The following MSRB3 variants were observed in gnomAD, a reference collection of about 807,000 sequenced individuals.
The protein encoded by MSRB3 is methionine sulfoxide reductase B3.
A neutral mutation model predicts 21.0 loss-of-function variants in MSRB3; 13 were observed. That is an observed-to-expected ratio of 0.62 (90% CI 0.40 to 0.98). MSRB3 has a LOEUF of 0.98. Among genes scored for constraint, MSRB3 ranks in the 50% least tolerant of loss-of-function variants. MSRB3 has a pLI of 0.00. For synonymous variants in MSRB3, 87 were observed against 88.6 expected, an observed-to-expected ratio of 0.98 and a Z score of 0.10; for missense variants, 199 against 230.3, an observed-to-expected ratio of 0.86 and a Z score of 0.88.
chr12:65,294,712 AT>A (rs1043492767), intron 1 of MSRB3, among the ~76,000 whole-genome samples: 9 of 152,136 alleles, frequency 5.9e-5, no homozygotes, highest in Non-Finnish European at 1.0e-4. Context: ...AGTCATTTAT[AT>A]TTTATGTTAT....
chr12:65,454,045 G>A, intron 6 of MSRB3: 1 of 650,312 alleles, frequency 1.5e-6, no homozygotes, highest in Non-Finnish European at 2.8e-6. Context: ...TACTTTGAGA[G>A]GGCCAAGTGG....
intron 5 of MSRB3, among the ~76,000 whole-genome samples, chr12:65,371,922 C>T (rs947740853): frequency 6.6e-6 from 1 of 152,048 alleles, no homozygotes; most frequent in African/African-American, 2.4e-5. Flanking sequence ...CAAAAAATTT[C>T]AACCATGTAT....
chr12:65,380,493 T>C (rs1048567034), intron 5 of MSRB3, among the ~76,000 whole-genome samples: 4 of 152,084 alleles, frequency 2.6e-5, no homozygotes, highest in Admixed American at 6.5e-5. Context: ...GAGAATTGCT[T>C]GAACCCGGGA....
intron 5 of MSRB3, among the ~76,000 whole-genome samples, chr12:65,424,210 T>G (rs1881463780): frequency 6.6e-6 from 1 of 152,064 alleles, no homozygotes; most frequent in Non-Finnish European, 1.5e-5. Context: ...TGTTGTCTTT[T>G]TTTTTTCCCT....
chr12:65,306,801 G>C (rs1463938848), intron 1 of MSRB3: 1 of 953,026 alleles, frequency 1.0e-6, no homozygotes, highest in South Asian at 4.9e-5. Context: ...GAGGGCTCCC[G>C]GTATTTGTGG....
At chr12:65,319,218 T>C (rs1011903187) in intron 2 of MSRB3, among the ~76,000 whole-genome samples, 9 of 152,160 alleles carry the variant, frequency 5.9e-5, no homozygotes, top group Non-Finnish European at 1.2e-4. Flanking sequence ...CCTTTTCAAA[T>C]CTGAACCTAC....
At position 65,464,933 on chromosome 12, in the gene MSRB3, G is replaced by C. The variant is rs1051629029; in HGVS notation, c.*1611G>C. ...GCCTATTTCTTCATGCATAAACTGG[G>C]ACTCATAATATTTGTAAAATGTATT... On this transcript the variant is annotated 3_prime_UTR_variant, in exon 7 of 7. Transcript: ENST00000308259. 6.6e-6 allele frequency: 1 copy of C among 152,180 alleles called. No homozygotes were observed. The highest frequency in any genetic ancestry group is 1.5e-5 in the Non-Finnish European group (1 of 68,036). The allele number at this position is 152,180 out of a possible 1,614,324, so 9.4% of individuals were successfully genotyped here.
At chr12:65,345,462 C>T (rs1876426236) in intron 4 of MSRB3, among the ~76,000 whole-genome samples, 1 of 152,090 alleles carries the variant, frequency 6.6e-6, no homozygotes, top group East Asian at 1.9e-4. Context: ...AGGAGTAATA[C>T]ATATGTAGCA....
chr12:65,454,018 T>C (rs1882979263), intron 6 of MSRB3, 193 bp downstream of exon 6: 3 of 682,346 alleles, frequency 4.4e-6, no homozygotes, highest in Non-Finnish European at 8.0e-6. Flanking sequence ...GCATGATAGC[T>C]CAAGCCTGTA....
rs561781110 is a variant in MSRB3, at chr12:65,384,585, C to T, written c.292+15559C>T. ...TCTTAAGTTTCTACCCTAAAATTTA[C>T]AACTAGTAAAATATTATAGGAAAAA... is the stretch of plus-strand genomic sequence containing the variant. On this transcript the variant is annotated intron_variant, in intron 5 of 6. Transcript: ENST00000308259. Among the ~76,000 whole-genome samples, 5 of 152,208 alleles carry T rather than the reference C, an allele frequency of 3.3e-5. No homozygotes were observed. The South Asian group carries it at 1.0e-3, about 32-fold the overall frequency.
At chr12:65,452,921 T>G (rs1882920780) in intron 5 of MSRB3, among the ~76,000 whole-genome samples, 1 of 152,186 alleles carries the variant, frequency 6.6e-6, no homozygotes, top group African/African-American at 2.4e-5. Context: ...AGACATATTT[T>G]GGGGAAACAT....
intron 4 of MSRB3, among the ~76,000 whole-genome samples, chr12:65,344,402 G>A (rs74580264): frequency 6.6e-6 from 1 of 151,924 alleles, no homozygotes; most frequent in Non-Finnish European, 1.5e-5. Context: ...TGCTTATTTA[G>A]AGTAAAAAGA....
intron 4 of MSRB3, among the ~76,000 whole-genome samples, chr12:65,351,482 T>C (rs1394958471): frequency 6.8e-6 from 1 of 146,966 alleles, no homozygotes; most frequent in East Asian, 2.0e-4. Context: ...CTGAAGGAAA[T>C]AGAGACACAA....
At chr12:65,434,078 T>C (rs964685945) in intron 5 of MSRB3, among the ~76,000 whole-genome samples, 2 of 151,990 alleles carry the variant, frequency 1.3e-5, no homozygotes, top group Admixed American at 1.3e-4. Context: ...GCTTAAGGGC[T>C]CCTCATTTAG....
chr12:65,461,839 C>G (rs1883344986), intron 6 of MSRB3, among the ~76,000 whole-genome samples: 3 of 152,216 alleles, frequency 2.0e-5, no homozygotes, highest in South Asian at 2.1e-4. Context: ...ACTCTTCCCT[C>G]TTCTCGAAAT....
intron 5 of MSRB3, among the ~76,000 whole-genome samples, chr12:65,427,032 T>C (rs1881631574): frequency 1.3e-5 from 2 of 152,246 alleles, no homozygotes; most frequent in South Asian, 4.1e-4. Flanking sequence ...GCAGTTTGCA[T>C]ATCTCCATTT....
At position 65,466,658 on chromosome 12, in the gene MSRB3, A is replaced by G. The variant is rs1379602467; in HGVS notation, c.*3336A>G. On this transcript the variant is annotated 3_prime_UTR_variant, in exon 7 of 7. Transcript: ENST00000308259. ...TGCATTTAAATTCTTAATGCAAATG[A>G]CGTAGCAATTTGAAAACTTCTCCGT... 2 of 152,342 alleles carry G rather than the reference A, an allele frequency of 1.3e-5. No individual in the cohort carries two copies. Among genetic ancestry groups the G allele is most frequent in the East Asian group, 3.9e-4 (2 of 5,184 alleles). 9.4% of individuals were successfully genotyped at this position (152,342 alleles called of 1,614,324 possible).
At chr12:65,419,470 C>T in intron 5 of MSRB3, 1 of 743,686 alleles carries the variant, frequency 1.3e-6, no homozygotes, top group Non-Finnish European at 2.5e-6. Flanking sequence ...CTTGCAGAGC[C>T]CATAGATGTC....
chr12:65,375,096 C>T lies in MSRB3; in HGVS notation c.292+6070C>T, dbSNP rs189307819. ...TCCTGACCTCGTGATCAGCTCGCCT[C>T]GGCCTCCCGAAGTGCTGGGATTACA... On this transcript the variant is annotated intron_variant, in intron 5 of 6. Transcript: ENST00000308259. Among the ~76,000 whole-genome samples the T allele has an allele frequency of 1.6e-3, 249 of 151,752 alleles. 1 individual carries two copies. The highest frequency in any genetic ancestry group is 5.6e-3 in the Admixed American group (85 of 15,240).
Sources: allele counts gnomAD v4.1 joint callset (sites outside exome capture counted in the v4.1 genomes callset), GRCh38; gene constraint gnomAD v4.1.1; transcripts MANE v1.5; gene names NCBI Gene and HGNC (gene_info 2026-07-23, HGNC 2026-07-21).